The following FAT2 variants were observed in gnomAD, a reference collection of about 807,000 sequenced individuals.
FAT2 encodes protocadherin Fat 2.
Under a neutral mutation model 295.3 loss-of-function variants are expected in FAT2, and 150 were observed. The observed-to-expected ratio is 0.51, with a 90% CI of 0.44 to 0.58. The LOEUF (loss-of-function observed/expected upper bound fraction) is 0.58, where lower values mean the gene tolerates loss of function less well. Ranked by LOEUF, FAT2 falls within the 20% of genes least tolerant of loss-of-function variation. The pLI, the probability that FAT2 is intolerant of heterozygous loss-of-function variation, is 0.00. For missense variants in FAT2, 4,868 were observed against 5,442.7 expected, an observed-to-expected ratio of 0.89 and a Z score of 3.32; for synonymous variants, 2,026 against 2,150.3, an observed-to-expected ratio of 0.94 and a Z score of 1.60.
At chr5:151,581,530 C>T (rs1265312449) in intron 1 of FAT2, among the ~76,000 whole-genome samples, 1 of 152,186 alleles carries the variant, frequency 6.6e-6, no homozygotes, top group Non-Finnish European at 1.5e-5. Flanking sequence ...CTTGCAGAGG[C>T]GCATGCAGCT....
chr5:151,534,370 G>A, intron 13 of FAT2, 39 bp downstream of exon 13: 3 of 1,512,356 alleles, frequency 2.0e-6, no homozygotes, highest in Non-Finnish European at 2.7e-6. Flanking sequence ...GGTGACCCAG[G>A]AGATCATTGG....
intron 9 of FAT2, among the ~76,000 whole-genome samples, chr5:151,546,663 C>G (rs978297094): frequency 6.6e-6 from 1 of 151,954 alleles, no homozygotes; most frequent in Admixed American, 6.6e-5. Flanking sequence ...TTCAGTGATG[C>G]CTTTTGTAGG....
chr5:151,590,936 C>A (rs1355101376), intron 1 of FAT2, among the ~76,000 whole-genome samples: 1 of 152,166 alleles, frequency 6.6e-6, no homozygotes, highest in Non-Finnish European at 1.5e-5. Flanking sequence ...ATTGCTGGGC[C>A]CCGATCCCCA....
intron 19 of FAT2, among the ~76,000 whole-genome samples, chr5:151,519,946 A>G (rs777116918): frequency 6.6e-6 from 1 of 152,198 alleles, no homozygotes; most frequent in African/African-American, 2.4e-5. Flanking sequence ...CACGCTCTCC[A>G]GTAGACTTTG....
At chr5:151,529,616 C>A (rs1304907569) in intron 14 of FAT2, among the ~76,000 whole-genome samples, 1 of 152,202 alleles carries the variant, frequency 6.6e-6, no homozygotes, top group African/African-American at 2.4e-5. Flanking sequence ...ATGTTTCCCT[C>A]ACTTACTTCT....
rs756514940 is a variant in FAT2, at chr5:151,568,483, G to A, written c.449C>T (p.Pro150Leu). 5.0e-6 allele frequency: 8 copies of A among 1,614,158 alleles called. No homozygotes were observed. The Admixed American group carries it at 1.2e-4, about 24-fold the overall frequency. Reference sequence around the variant, plus strand: ...AGAGATGGTGACTCTGTACGAAGGTGGAGAGAAGAGAGGCTTCAGGTCATT... The same window carrying A: ...AGAGATGGTGACTCTGTACGAAGGTAGAGAGAAGAGAGGCTTCAGGTCATT... ...DQNDLKPLFS[P>L]PSYRVTISED... Residue 150 changes from proline (P) to leucine (L), a missense_variant, in exon 2 of 24, where the codon CCA becomes CTA. Transcript: ENST00000261800.
In FAT2 at chr5:151,527,321, A is replaced by G. The variant is rs1467773094; in HGVS notation, c.10221T>C (p.His3407=). 6.2e-7 allele frequency: 1 copy of G among 1,613,614 alleles called. No homozygotes were observed. Among genetic ancestry groups the G allele is most frequent in the Admixed American group, 1.7e-5 (1 of 59,970 alleles). ...RATDSGQPPL[H]EDTDIAIQVA... is the part of the protein sequence containing the mutation. Reference sequence around the variant, plus strand: ...CTTGGATAGCGATGTCTGTGTCCTCATGCAGTGGAGGCTGCCCACTGTCTG... The same window carrying G: ...CTTGGATAGCGATGTCTGTGTCCTCGTGCAGTGGAGGCTGCCCACTGTCTG... Residue 3407 remains histidine, a synonymous_variant, in exon 17 of 24, where the codon CAT becomes CAC. Coordinates refer to ENST00000261800, the MANE Select transcript of FAT2 (RefSeq NM_001447.3).
chr5:151,551,326 T>A, intron 7 of FAT2, 141 bp downstream of exon 7: 1 of 823,626 alleles, frequency 1.2e-6, no homozygotes. Flanking sequence ...AAGTAGAGAG[T>A]GTATTAGACA....
chr5:151,568,125 A>G lies in FAT2; in HGVS notation c.807T>C (p.Gly269=). The G allele has an allele frequency of 3.1e-6, 5 of 1,614,184 alleles. No homozygotes were observed. Among genetic ancestry groups the G allele is most frequent in the Non-Finnish European group, 4.2e-6 (5 of 1,180,024 alleles). Reference sequence around the variant, plus strand: ...CGACCAGTACAGTGGCATAGGTGGTACCATCATTGCTGTCTGGTGGAGTCA... The same window carrying G: ...CGACCAGTACAGTGGCATAGGTGGTGCCATCATTGCTGTCTGGTGGAGTCA... ...VVVTPPDSND[G]TTYATVLVDA... Residue 269 remains glycine, a synonymous_variant, in exon 2 of 24, where the codon GGT becomes GGC. Coordinates refer to ENST00000261800, the MANE Select transcript of FAT2 (RefSeq NM_001447.3).
intron 14 of FAT2, among the ~76,000 whole-genome samples, chr5:151,529,841 G>A (rs962643910): frequency 1.3e-5 from 2 of 152,126 alleles, no homozygotes; most frequent in African/African-American, 4.8e-5. Flanking sequence ...AATACTCAAA[G>A]TTGCCCACAA....
At chr5:151,555,367 C>CTTT (rs912481589) in intron 4 of FAT2, among the ~76,000 whole-genome samples, 80 of 123,080 alleles carry the variant, frequency 6.5e-4, no homozygotes, top group African/African-American at 1.2e-3. Context: ...TAATATATTT[C>CTTT]TTTTTTTTTT....
chr5:151,575,380 C>T (rs4416594), intron 1 of FAT2, among the ~76,000 whole-genome samples: 70,206 of 152,002 alleles, frequency 0.46, 16,301 homozygotes, highest in Middle Eastern at 0.5. Flanking sequence ...GTTAAGAAAG[C>T]GGGCTCTGGA....
Position 151,506,043 on chromosome 5 carries a change from C to CA in FAT2, c.12571dup (p.Trp4191LeufsTer30). On this transcript the variant is annotated frameshift_variant, in exon 24 of 24. Coordinates refer to ENST00000261800, the MANE Select transcript of FAT2 (RefSeq NM_001447.3). LOFTEE classifies it high-confidence loss of function. ...AGTCACTTCGGAGTGGGGGTATTCC[C>CA]AGCGTTCGTTCCTGGAGTAAGTAGG... is the stretch of plus-strand genomic sequence containing the variant. The CA allele has an allele frequency of 6.4e-7, 1 of 1,562,600 alleles. No individual in the cohort carries two copies. The highest frequency in any genetic ancestry group is 8.6e-7 in the Non-Finnish European group (1 of 1,160,074).
At position 151,507,349 on chromosome 5, in the gene FAT2, C is replaced by T. The variant is rs1269953542; in HGVS notation, c.12322G>A (p.Ala4108Thr). ...TGGTTGAGGTTGTTGCAGGAGCTGG[C>T]ACTCAATGGGTTGAGCTCGATGGCA... ...MPAIELNPLS[A>T]SSCNNLNQPE... Residue 4108 changes from alanine to threonine, a missense_variant, in exon 23 of 24, where the codon GCC becomes ACC. This residue lies in a region of FAT2 where 492 missense variants were observed against 482.6 expected (regional missense o/e 1.02). Transcript: ENST00000261800. The T allele has an allele frequency of 6.2e-6, 10 of 1,614,190 alleles. No individual in the cohort carries two copies. The Admixed American group carries it at 1.5e-4, about 24-fold the overall frequency.
Position 151,551,548 on chromosome 5 carries a change from G to A in FAT2, c.4215C>T (p.Ala1405=), listed in dbSNP as rs1392112439. 2.5e-6 allele frequency: 4 copies of A among 1,614,224 alleles called. No individual in the cohort carries two copies. Among genetic ancestry groups the A allele is most frequent in the Non-Finnish European group, 3.4e-6 (4 of 1,180,020 alleles). Residue 1405 remains alanine, a synonymous_variant, in exon 7 of 24, where the codon GCC becomes GCT. Coordinates refer to ENST00000261800, the MANE Select transcript of FAT2 (RefSeq NM_001447.3). The stretch of plus-strand genomic sequence containing the variant: ...ACCTTCTCCTGGTATCAAGAGGCCT[G>A]GCAATGACGATGCTGCCTGTGGTCT... ...IEKTTGSIVI[A]RPLDTRRRSN... is the part of the protein sequence containing the mutation.
rs757628259 is a variant in FAT2, at chr5:151,505,138, T to TGTCA, written c.*423_*426dup. On this transcript the variant is annotated 3_prime_UTR_variant, in exon 24 of 24. Coordinates refer to ENST00000261800, the MANE Select transcript of FAT2 (RefSeq NM_001447.3). Reference sequence around the variant, plus strand: ...CTGTACGGCCCGCGTAGTGGTTGTCTGTCAGGCACCAACCTGCCTGCCTCC... The same window carrying TGTCA: ...CTGTACGGCCCGCGTAGTGGTTGTCTGTCAGTCAGGCACCAACCTGCCTGCCTCC... 29 of 269,308 alleles carry TGTCA rather than the reference T, an allele frequency of 1.1e-4. No individual in the cohort carries two copies. Among genetic ancestry groups the TGTCA allele is most frequent in the Non-Finnish European group, 1.6e-4 (23 of 139,670 alleles). 16.7% of individuals were successfully genotyped at this position (269,308 alleles called of 1,614,324 possible).
chr5:151,549,156 G>A (rs890047727), intron 9 of FAT2, 139 bp downstream of exon 9: 1 of 728,658 alleles, frequency 1.4e-6, no homozygotes, highest in African/African-American at 1.8e-5. Context: ...GGTAGTCCCA[G>A]GGAATGCTCT....
Position 151,550,786 on chromosome 5 carries a change from G to C in FAT2, c.4382C>G (p.Thr1461Ser), listed in dbSNP as rs2127622130. Residue 1461 changes from threonine (T) to serine (S), a missense_variant, in exon 8 of 24, where the codon ACC (threonine) becomes AGC (serine). By Grantham distance (58) the Thr-to-Ser change is moderately conservative. Coordinates refer to ENST00000261800, the MANE Select transcript of FAT2 (RefSeq NM_001447.3). Reference sequence around the variant, plus strand: ...TCGCAGGAGCTCTACCCCTGGCACGGTGTCCTGGGGAACTCTGACTTCATA... The same window carrying C: ...TCGCAGGAGCTCTACCCCTGGCACGCTGTCCTGGGGAACTCTGACTTCATA... Reference protein sequence around the residue: ...TRYEVRVPQDTVPGVELLRVQ... With the variant: ...TRYEVRVPQDSVPGVELLRVQ... 4 of 1,614,006 alleles carry C rather than the reference G, an allele frequency of 2.5e-6. No individual in the cohort carries two copies. The highest frequency in any genetic ancestry group is 3.4e-6 in the Non-Finnish European group (4 of 1,179,946).
Position 151,567,977 on chromosome 5 carries a change from C to A in FAT2, c.955G>T (p.Asp319Tyr), listed in dbSNP as rs1758358515. The A allele has an allele frequency of 1.2e-6, 2 of 1,614,216 alleles. No individual in the cohort carries two copies. The change falls in exon 2 of 24, where the codon GAC becomes TAC. Residue 319 changes from aspartate (D) to tyrosine (Y), a missense_variant. By Grantham distance (160) the Asp-to-Tyr change is radical (BLOSUM62 -3). Around this residue, in one of 5 missense-constraint regions of FAT2, gnomAD observed 3,297 missense variants for 3,669.4 expected, o/e 0.90. Coordinates refer to ENST00000261800, the MANE Select transcript of FAT2 (RefSeq NM_001447.3). ...TGAAGGTACTCCATCCAGTTGATGTCTTTGACAGACACCAAACTGAACTCA... is the reference window on the plus strand; with the variant it reads ...TGAAGGTACTCCATCCAGTTGATGTATTTGACAGACACCAAACTGAACTCA... ...SNEFSLVSVKDINWMEYLHGF... is the reference protein window; with the variant it reads ...SNEFSLVSVKYINWMEYLHGF...
Sources: gnomAD v4.1 joint callset for allele counts (sites outside exome capture counted in the v4.1 genomes callset) on GRCh38, gnomAD v4.1.1 for gene constraint, gnomAD v4.1.1 regional missense constraint, MANE v1.5 for transcripts, NCBI Gene and HGNC (gene_info 2026-07-23, HGNC 2026-07-21) for gene names.